SH3BGRL2: variants seen among roughly 807,000 people sequenced by gnomAD.
The protein encoded by SH3BGRL2 is SH3 domain-binding glutamic acid-rich-like protein 2.
Under a neutral mutation model 14.8 loss-of-function variants are expected in SH3BGRL2, and 21 were observed. The ratio of observed to expected loss-of-function variants is 1.42; its 90% CI spans 1.01 to 2.05. The LOEUF is 2.05. Among genes scored for constraint, SH3BGRL2 ranks in the 30% most tolerant of loss-of-function variants. SH3BGRL2 has a pLI of 0.00. For synonymous variants in SH3BGRL2, 50 were observed against 47.8 expected (o/e 1.05, Z -0.19); for missense variants, 147 against 130.8 (o/e 1.12, Z -0.61).
At chr6:79,587,774 G>T in the SH3BGRL2 span, among the ~76,000 whole-genome samples, 1 of 152,140 alleles carries the variant, frequency 6.6e-6, no homozygotes, top group Non-Finnish European at 1.5e-5. Flanking sequence ...TATATATAGA[G>T]GCCTTTGTAT....
At chr6:79,643,817 A>G (rs1769077865) in intron 1 of SH3BGRL2, among the ~76,000 whole-genome samples, 1 of 152,204 alleles carries the variant, frequency 6.6e-6, no homozygotes, top group African/African-American at 2.4e-5. Flanking sequence ...GTTAAAGGAA[A>G]TGAGAATAGG....
At chr6:79,592,955 A>G in the SH3BGRL2 span, among the ~76,000 whole-genome samples, 1 of 152,128 alleles carries the variant, frequency 6.6e-6, no homozygotes. Context: ...CACAAACTCA[A>G]ATGCCTTCTG....
chr6:79,561,918 A>G, the SH3BGRL2 span, among the ~76,000 whole-genome samples: 1 of 152,190 alleles, frequency 6.6e-6, no homozygotes, highest in Non-Finnish European at 1.5e-5. Context: ...CAGTTTTATG[A>G]CAAGTCATAG....
chr6:79,588,078 G>A, the SH3BGRL2 span, among the ~76,000 whole-genome samples: 36 of 152,224 alleles, frequency 2.4e-4, no homozygotes, highest in African/African-American at 8.4e-4. Flanking sequence ...TGGATCACGA[G>A]GTCAGGAGAT....
intron 1 of SH3BGRL2, among the ~76,000 whole-genome samples, chr6:79,640,316 C>G (rs920362456): frequency 6.6e-6 from 1 of 152,144 alleles, no homozygotes. Context: ...GTTAGTATTG[C>G]TATCTCTTTT....
intron 2 of SH3BGRL2, among the ~76,000 whole-genome samples, chr6:79,694,922 C>T (rs951258402): frequency 5.9e-5 from 9 of 152,184 alleles, no homozygotes; most frequent in African/African-American, 1.4e-4. Context: ...AGCCATTCTC[C>T]GCACAGTTAT....
chr6:79,675,201 G>A (rs1236002827), intron 2 of SH3BGRL2, among the ~76,000 whole-genome samples: 1 of 152,110 alleles, frequency 6.6e-6, no homozygotes, highest in Admixed American at 6.5e-5. Flanking sequence ...CTCGGACTTC[G>A]AGGCTTTGAA....
At chr6:79,553,687 C>T in the SH3BGRL2 span, among the ~76,000 whole-genome samples, 56 of 152,120 alleles carry the variant, frequency 3.7e-4, no homozygotes, top group African/African-American at 1.3e-3. Flanking sequence ...ATTATATGGT[C>T]TGGGCCAGGT....
chr6:79,566,446 C>G, the SH3BGRL2 span, among the ~76,000 whole-genome samples: 8 of 152,134 alleles, frequency 5.3e-5, no homozygotes, highest in African/African-American at 1.9e-4. Context: ...TCACTTCATG[C>G]TTCCAGTTAT....
At chr6:79,550,303 A>G in the SH3BGRL2 span, among the ~76,000 whole-genome samples, 1 of 152,192 alleles carries the variant, frequency 6.6e-6, no homozygotes, top group Non-Finnish European at 1.5e-5. Context: ...CTGGAACTGA[A>G]GGAAGGAAAC....
chr6:79,673,578 A>G, intron 1 of SH3BGRL2, 36 bp from the exon 2 acceptor site: 2 of 1,591,324 alleles, frequency 1.3e-6, no homozygotes, highest in East Asian at 2.2e-5. Context: ...GTTTCAGATA[A>G]GCGTATCTAC....
the SH3BGRL2 span, among the ~76,000 whole-genome samples, chr6:79,559,511 A>G: frequency 6.6e-6 from 1 of 152,210 alleles, no homozygotes; most frequent in Admixed American, 6.5e-5. Context: ...TAAAAGACAA[A>G]GAAAAACTAT....
chr6:79,653,181 G>A (rs1234293578), intron 1 of SH3BGRL2, among the ~76,000 whole-genome samples: 2 of 152,094 alleles, frequency 1.3e-5, no homozygotes, highest in African/African-American at 2.4e-5. Context: ...CTAGTCTTCA[G>A]GACAAGATCA....
At chr6:79,597,871 C>A in the SH3BGRL2 span, among the ~76,000 whole-genome samples, 1 of 152,140 alleles carries the variant, frequency 6.6e-6, no homozygotes, top group Admixed American at 6.5e-5. Flanking sequence ...TCTGATGAGA[C>A]GTGTATGTAA....
At chr6:79,667,780 A>G (rs188355598) in intron 1 of SH3BGRL2, among the ~76,000 whole-genome samples, 4 of 152,190 alleles carry the variant, frequency 2.6e-5, no homozygotes, top group Non-Finnish European at 5.9e-5. Flanking sequence ...TTTATTTCAC[A>G]GGTTTGGAAA....
the SH3BGRL2 span, among the ~76,000 whole-genome samples, chr6:79,563,771 A>C: frequency 2.0e-5 from 3 of 152,232 alleles, no homozygotes; most frequent in African/African-American, 7.2e-5. Context: ...TGTTCAACCA[A>C]AATTGCCAGT....
At chr6:79,590,424 G>GAGATATATATATATATATATAT in the SH3BGRL2 span, among the ~76,000 whole-genome samples, 3 of 66,684 alleles carry the variant, frequency 4.5e-5, no homozygotes, top group African/African-American at 2.1e-4. Context: ...AAGAAAATGT[G>GAGATATATATATATATATATAT]ATATATATAT....
At chr6:79,583,610 A>G in the SH3BGRL2 span, among the ~76,000 whole-genome samples, 1 of 152,160 alleles carries the variant, frequency 6.6e-6, no homozygotes, top group Admixed American at 6.5e-5. Context: ...AGCGGGGAAC[A>G]TCACACACCA....
At chr6:79,610,387 G>A in the SH3BGRL2 span, among the ~76,000 whole-genome samples, 1 of 152,158 alleles carries the variant, frequency 6.6e-6, no homozygotes. Context: ...CATGCTTTCG[G>A]CTTGGAAAGG....
Sources: gnomAD v4.1 joint callset for allele counts (sites outside exome capture counted in the v4.1 genomes callset) on GRCh38, gnomAD v4.1.1 for gene constraint, MANE v1.5 for transcripts, NCBI Gene and HGNC (gene_info 2026-07-23, HGNC 2026-07-21) for gene names.